SLC60A1: variants seen among roughly 807,000 people sequenced by gnomAD.
SLC60A1 encodes major facilitator superfamily domain containing 4.
the SLC60A1 span, chr1:205,601,306 C>A: frequency 6.6e-6 from 1 of 152,180 alleles, no homozygotes; most frequent in Non-Finnish European, 1.5e-5. Flanking sequence ...CACCTTGTCT[C>A]AACTCCACTC....
the SLC60A1 span, among the ~76,000 whole-genome samples, chr1:205,571,784 A>T: frequency 6.6e-6 from 1 of 152,206 alleles, no homozygotes; most frequent in Non-Finnish European, 1.5e-5. Context: ...GTTAAAATGC[A>T]ATACCCCTGC....
chr1:205,582,347 T>C, the SLC60A1 span, among the ~76,000 whole-genome samples: 4 of 152,240 alleles, frequency 2.6e-5, no homozygotes, highest in African/African-American at 9.6e-5. Flanking sequence ...GGTTTGTGTC[T>C]GAAAATAAAC....
the SLC60A1 span, chr1:205,585,116 A>T: frequency 1.4e-6 from 1 of 738,778 alleles, no homozygotes; most frequent in Admixed American, 2.5e-5. The surrounding 1 kb of genome is among the most constrained non-coding windows in gnomAD (Gnocchi z 4.2). Context: ...AGTACACTTG[A>T]TTCAAAAATT....
At chr1:205,572,797 C>G in the SLC60A1 span, among the ~76,000 whole-genome samples, 1 of 152,204 alleles carries the variant, frequency 6.6e-6, no homozygotes, top group Non-Finnish European at 1.5e-5. Context: ...AAATCAGTCT[C>G]AACATGGGGC....
the SLC60A1 span, chr1:205,599,722 A>G: frequency 6.3e-6 from 1 of 158,618 alleles, no homozygotes; most frequent in Non-Finnish European, 1.4e-5. Context: ...AGTAGCAAAG[A>G]AAGTCTCCTT....
the SLC60A1 span, among the ~76,000 whole-genome samples, chr1:205,574,161 T>C: frequency 5.3e-5 from 8 of 151,510 alleles, no homozygotes; most frequent in African/African-American, 1.2e-4. Flanking sequence ...TAAAAAAACC[T>C]CAAAGCCAGG....
chr1:205,577,179 G>A, the SLC60A1 span, among the ~76,000 whole-genome samples: 3 of 151,970 alleles, frequency 2.0e-5, no homozygotes, highest in Non-Finnish European at 2.9e-5. The surrounding 1 kb of genome is among the most constrained non-coding windows in gnomAD (Gnocchi z 5.2). Context: ...ACTGTACACC[G>A]GGCACCTTCC....
At chr1:205,584,950 A>G in the SLC60A1 span, 1 of 1,613,964 alleles carries the variant, frequency 6.2e-7, no homozygotes, top group Non-Finnish European at 8.5e-7. Context: ...TGCCATCCAC[A>G]TCACGGGCGC....
At chr1:205,574,264 C>A in the SLC60A1 span, among the ~76,000 whole-genome samples, 114,803 of 151,536 alleles carry the variant, frequency 0.76, 43,984 homozygotes, top group East Asian at 0.94. Context: ...CTGGGCAACA[C>A]AGTGAGACCT....
chr1:205,583,815 AT>A, the SLC60A1 span: 1 of 1,155,074 alleles, frequency 8.7e-7, no homozygotes, highest in Non-Finnish European at 1.2e-6. Flanking sequence ...TTAGGTTGGG[AT>A]GGCTCAGCTT....
At chr1:205,594,228 C>T in the SLC60A1 span, among the ~76,000 whole-genome samples, 1 of 152,128 alleles carries the variant, frequency 6.6e-6, no homozygotes, top group African/African-American at 2.4e-5. Flanking sequence ...GGCCCAGGAG[C>T]CCTCAGACTC....
chr1:205,599,196 T>C, the SLC60A1 span: 1 of 1,614,224 alleles, frequency 6.2e-7, no homozygotes, highest in African/African-American at 1.3e-5. Flanking sequence ...GTCTGGCTTT[T>C]ACCTTCTATA....
the SLC60A1 span, chr1:205,584,762 G>C: frequency 1.6e-5 from 14 of 870,970 alleles, no homozygotes; most frequent in African/African-American, 3.3e-5. Flanking sequence ...AGTAGAGGCA[G>C]TAAGTGGGCC....
At chr1:205,583,907 G>C in the SLC60A1 span, 4 of 1,587,754 alleles carry the variant, frequency 2.5e-6, no homozygotes, top group Non-Finnish European at 3.4e-6. Context: ...GGCGTGGGAA[G>C]GGGGAGCTTC....
At chr1:205,581,648 C>A in the SLC60A1 span, among the ~76,000 whole-genome samples, 1 of 151,680 alleles carries the variant, frequency 6.6e-6, no homozygotes, top group East Asian at 1.9e-4. The surrounding 1 kb of genome is among the most constrained non-coding windows in gnomAD (Gnocchi z 4.2). Context: ...GGCTCCTGGG[C>A]CGGGGGTGGG....
chr1:205,599,382 T>C, the SLC60A1 span: 1 of 1,173,392 alleles, frequency 8.5e-7, no homozygotes, highest in Non-Finnish European at 1.2e-6. Context: ...TGCAAGGAAA[T>C]GTTTATTTTT....
chr1:205,582,411 A>G, the SLC60A1 span, among the ~76,000 whole-genome samples: 1 of 152,242 alleles, frequency 6.6e-6, no homozygotes, highest in African/African-American at 2.4e-5. Flanking sequence ...GTGCACACGC[A>G]CACACACATG....
At chr1:205,599,373 G>A in the SLC60A1 span, 2 of 1,222,760 alleles carry the variant, frequency 1.6e-6, no homozygotes, top group Non-Finnish European at 2.2e-6. Flanking sequence ...CAAGTAAAAT[G>A]CAAGGAAATG....
chr1:205,584,816 C>T, the SLC60A1 span: 1 of 1,482,974 alleles, frequency 6.7e-7, no homozygotes, highest in Non-Finnish European at 9.4e-7. Flanking sequence ...GGCCCTGGGA[C>T]ATGCAGAGGG....
Sources: allele counts gnomAD v4.1 joint callset (sites outside exome capture counted in the v4.1 genomes callset), GRCh38; gene constraint gnomAD v4.1.1; non-coding constraint Gnocchi (gnomAD v3.1); transcripts MANE v1.5; gene names NCBI Gene and HGNC (gene_info 2026-07-23, HGNC 2026-07-21).